The following IL12RB1 variants were observed in gnomAD, a reference collection of about 807,000 sequenced individuals.
The protein encoded by IL12RB1 is interleukin 12 receptor subunit beta 1, also known as interleukin-12 receptor subunit beta-1.
IL12RB1 carries 64 observed loss-of-function variants against 94.4 expected under a neutral mutation model. The ratio of observed to expected loss-of-function variants is 0.68; its 90% CI spans 0.55 to 0.83. IL12RB1 has a LOEUF of 0.83. Among genes scored for constraint, IL12RB1 ranks in the 40% least tolerant of loss-of-function variants. The pLI is 0.00. For missense variants in IL12RB1, 814 were observed against 855.6 expected (o/e 0.95, Z 0.61); for synonymous variants, 362 against 355.5 (o/e 1.02, Z -0.21).
At chr19:18,096,431 C>T (rs1599610545) in intron 1 of IL12RB1, among the ~76,000 whole-genome samples, 1 of 152,042 alleles carries the variant, frequency 6.6e-6, no homozygotes, top group African/African-American at 2.4e-5. Flanking sequence ...GCAGCGGCTA[C>T]CTGCTTTTGT....
intron 4 of IL12RB1, among the ~76,000 whole-genome samples, chr19:18,078,065 C>T (rs1202970137): frequency 6.6e-6 from 1 of 152,124 alleles, no homozygotes; most frequent in Non-Finnish European, 1.5e-5. Flanking sequence ...GCCCTGATCA[C>T]ACCACTGCTC....
chr19:18,080,766 C>T lies in IL12RB1; in HGVS notation c.409+66G>A, dbSNP rs2146386632. 3 of 1,074,012 alleles carry T rather than the reference C, an allele frequency of 2.8e-6. No homozygotes were observed. The South Asian group carries it at 3.7e-5, about 13-fold the overall frequency. 66.5% of individuals were successfully genotyped at this position (1,074,012 alleles called of 1,614,324 possible). A position where few individuals can be genotyped will look rare whatever the true frequency, so the allele number is the denominator to read the frequency against. On this transcript the variant is annotated intron_variant, in intron 4 of 16. Coordinates refer to ENST00000593993, the MANE Select transcript of IL12RB1 (RefSeq NM_005535.3). ...GCCAAGGGCCAGGAATCCTCTCTAGCTCCAGCCTTGCAGCCTGATGGCCTC... is the reference window on the plus strand; with the variant it reads ...GCCAAGGGCCAGGAATCCTCTCTAGTTCCAGCCTTGCAGCCTGATGGCCTC...
upstream of IL12RB1, among the ~76,000 whole-genome samples, chr19:18,088,758 A>G (rs1410655607): frequency 6.6e-6 from 1 of 151,902 alleles, no homozygotes; most frequent in Non-Finnish European, 1.5e-5. Flanking sequence ...GGCTGGGTGC[A>G]GTGGTTCACA....
chr19:18,064,682 C>A (rs573627605), intron 12 of IL12RB1, among the ~76,000 whole-genome samples: 1 of 152,036 alleles, frequency 6.6e-6, no homozygotes, highest in Admixed American at 6.6e-5. Context: ...CCATGTTGGC[C>A]AGGCTGGTCT....
chr19:18,073,099 AG>A (rs1198001177), intron 8 of IL12RB1, among the ~76,000 whole-genome samples: 1 of 152,126 alleles, frequency 6.6e-6, no homozygotes, highest in Non-Finnish European at 1.5e-5. Flanking sequence ...AGTATTTGTC[AG>A]TTTTGTCTCA....
At position 18,069,699 on chromosome 19, in the gene IL12RB1, T is replaced by C. The variant is rs746121308; in HGVS notation, c.1036A>G (p.Asn346Asp). The C allele has an allele frequency of 1.2e-6, 2 of 1,610,998 alleles. No homozygotes were observed. Among genetic ancestry groups the C allele is most frequent in the African/African-American group, 2.7e-5 (2 of 74,978 alleles). ...ADTHTEPVALNISVGTNGTTM... is the reference protein window; with the variant it reads ...ADTHTEPVALDISVGTNGTTM... ...GTCCCGTTGGTTCCGACGCTGATAT[T>C]CAGAGCCACTGGTTCTGGAAGGAGA... The change falls in exon 10 of 17, where the codon AAT becomes GAT. Residue 346 changes from asparagine to aspartate, a missense_variant. Asn to Asp is a conservative substitution (Grantham distance 23, BLOSUM62 1). Coordinates refer to ENST00000593993, the MANE Select transcript of IL12RB1 (RefSeq NM_005535.3).
At position 18,069,358 on chromosome 19, in the gene IL12RB1, C is replaced by T. The variant is rs571854869; in HGVS notation, c.1189+188G>A. Among the ~76,000 whole-genome samples, 8 of 152,324 alleles carry T rather than the reference C, an allele frequency of 5.3e-5. No individual in the cohort carries two copies. In the East Asian group the frequency reaches 1.5e-3, roughly 29 times the overall value. ...GAGCTCAGGATGCCAGCAAGAGGTT[C>T]CAGACCCATATGGGTGAGAGGCTCC... On this transcript the variant is annotated intron_variant, in intron 10 of 16. Coordinates refer to ENST00000593993, the MANE Select transcript of IL12RB1 (RefSeq NM_005535.3).
At chr19:18,079,229 G>C (rs1349110187) in intron 4 of IL12RB1, among the ~76,000 whole-genome samples, 1 of 151,010 alleles carries the variant, frequency 6.6e-6, no homozygotes, top group Admixed American at 6.6e-5. Flanking sequence ...TCAGCATCCC[G>C]AGTAGCTGGA....
chr19:18,095,920 G>A (rs2036875851), intron 1 of IL12RB1, among the ~76,000 whole-genome samples: 1 of 152,104 alleles, frequency 6.6e-6, no homozygotes, highest in Non-Finnish European at 1.5e-5. Context: ...GAGTCCCAGG[G>A]AAAGAAAAAA....
chr19:18,083,145 T>G (rs571132727), intron 2 of IL12RB1: 1 of 554,024 alleles, frequency 1.8e-6, no homozygotes, highest in African/African-American at 1.9e-5. Context: ...GGCTTCAAAA[T>G]GCTTAACAGG....
At position 18,076,227 on chromosome 19, in the gene IL12RB1, G is replaced by A. The variant is rs17881785; in HGVS notation, c.580+70C>T. Reference sequence around the variant, plus strand: ...ACAAAAAAATTCAGCATTGGACCTGGCATACAGTAGGTGCTCAATTAATGC... The same window carrying A: ...ACAAAAAAATTCAGCATTGGACCTGACATACAGTAGGTGCTCAATTAATGC... On this transcript the variant is annotated intron_variant, in intron 6 of 16. Coordinates refer to ENST00000593993, the MANE Select transcript of IL12RB1 (RefSeq NM_005535.3). 428 of 815,732 alleles carry A rather than the reference G, an allele frequency of 5.2e-4. No homozygotes were observed. In the African/African-American group the frequency reaches 6.3e-3, roughly 12 times the overall value. The allele number at this position is 815,732 out of a possible 1,614,324, so 50.5% of individuals were successfully genotyped here. A position where few individuals can be genotyped will look rare whatever the true frequency, so the allele number is the denominator to read the frequency against.
At chr19:18,081,413 T>C (rs1190464062) in intron 3 of IL12RB1, among the ~76,000 whole-genome samples, 2 of 151,550 alleles carry the variant, frequency 1.3e-5, no homozygotes, top group African/African-American at 4.8e-5. Context: ...TCCTTTTCTG[T>C]CCCTTGTACA....
chr19:18,059,720 A>G lies in IL12RB1; in HGVS notation c.1984-107T>C, dbSNP rs934255662. ...GCTGGGTATGCCATAAGTGCTTAAT[A>G]ACCAGCCGTTGTGATTGAGATAGTC... On this transcript the variant is annotated intron_variant, in intron 16 of 16. Transcript: ENST00000593993. 19 of 757,262 alleles carry G rather than the reference A, an allele frequency of 2.5e-5. 1 individual carries two copies. In the South Asian group the frequency reaches 2.6e-4, roughly 11 times the overall value. The allele number at this position is 757,262 out of a possible 1,614,324, so 46.9% of individuals were successfully genotyped here. A position where few individuals can be genotyped will look rare whatever the true frequency, so the allele number is the denominator to read the frequency against.
chr19:18,072,087 C>A, intron 9 of IL12RB1, 25 bp downstream of exon 9: 1 of 1,493,672 alleles, frequency 6.7e-7, no homozygotes, highest in South Asian at 1.1e-5. Context: ...GCCCTCATAC[C>A]GCCCTCCCCA....
At chr19:18,077,274 A>G (rs942735266) in intron 5 of IL12RB1, among the ~76,000 whole-genome samples, 1 of 152,052 alleles carries the variant, frequency 6.6e-6, no homozygotes, top group Admixed American at 6.6e-5. Context: ...ACGCAGGACA[A>G]TCGCTTGAAC....
chr19:18,098,482 T>C (rs901328883), intron 1 of IL12RB1, among the ~76,000 whole-genome samples: 1 of 151,826 alleles, frequency 6.6e-6, no homozygotes. Context: ...CAATGAGCCA[T>C]AGGGTCCTCC....
chr19:18,086,926 G>T lies in IL12RB1; in HGVS notation c.-103C>A. 6.4e-7 allele frequency: 1 copy of T among 1,552,128 alleles called. No individual in the cohort carries two copies. ...GGAACACATTGAAGCTGAGCAAGGA[G>T]AAAAGACTGAAAAAAAAGAAAAAAG... On this transcript the variant is annotated 5_prime_UTR_variant, in exon 1 of 17. Coordinates refer to ENST00000593993, the MANE Select transcript of IL12RB1 (RefSeq NM_005535.3).
upstream of IL12RB1, among the ~76,000 whole-genome samples, chr19:18,087,367 A>G (rs2036415113): frequency 6.6e-6 from 1 of 151,682 alleles, no homozygotes; most frequent in Admixed American, 6.6e-5. Flanking sequence ...CTGCCACAAC[A>G]TCGAGCTAAT....
chr19:18,072,675 C>T lies in IL12RB1; in HGVS notation c.784-326G>A, dbSNP rs376406693. 3.7e-4 allele frequency among the ~76,000 whole-genome samples: 57 copies of T among 152,094 alleles called. No homozygotes were observed. The South Asian group carries it at 0.011, about 28-fold the overall frequency. On this transcript the variant is annotated intron_variant, in intron 8 of 16. Transcript: ENST00000593993. Reference sequence around the variant, plus strand: ...GAAAAGGAATTTGAGAGGCCGGGCACGGGGGCTCACGCCTCTAATCCCAGC... The same window carrying T: ...GAAAAGGAATTTGAGAGGCCGGGCATGGGGGCTCACGCCTCTAATCCCAGC...
Sources: allele counts gnomAD v4.1 joint callset (sites outside exome capture counted in the v4.1 genomes callset), GRCh38; gene constraint gnomAD v4.1.1; transcripts MANE v1.5; gene names NCBI Gene and HGNC (gene_info 2026-07-23, HGNC 2026-07-21).